PDGFC: variants seen among roughly 807,000 people sequenced by gnomAD.
PDGFC encodes platelet-derived growth factor C.
A neutral mutation model predicts 35.5 loss-of-function variants in PDGFC; 12 were observed. The observed-to-expected ratio is 0.34, with a 90% CI of 0.22 to 0.55. The LOEUF (loss-of-function observed/expected upper bound fraction) is 0.55. PDGFC is among the 20% of genes least tolerant of loss of function. The pLI, the probability that PDGFC is intolerant of heterozygous loss-of-function variation, is 0.91. For synonymous variants in PDGFC, 159 were observed against 148.8 expected (o/e 1.07, Z -0.50); for missense variants, 322 against 412.4 (o/e 0.78, Z 1.90).
intron 1 of PDGFC, among the ~76,000 whole-genome samples, chr4:156,907,749 G>A (rs1730950457): frequency 6.6e-6 from 1 of 152,188 alleles, no homozygotes; most frequent in Non-Finnish European, 1.5e-5. Flanking sequence ...CTGGGATGAA[G>A]TGGCCCTAAC....
chr4:156,930,713 C>T (rs1017354700), intron 1 of PDGFC, among the ~76,000 whole-genome samples: 1 of 151,814 alleles, frequency 6.6e-6, no homozygotes, highest in Non-Finnish European at 1.5e-5. Context: ...ACTAAAAAAA[C>T]AAAAATTAGC....
intron 1 of PDGFC, among the ~76,000 whole-genome samples, chr4:156,922,076 G>A (rs759310599): frequency 2.0e-5 from 3 of 152,124 alleles, no homozygotes; most frequent in African/African-American, 4.8e-5. Context: ...TCATTACAAT[G>A]AGGGATATTT....
chr4:156,911,967 G>T (rs1336545859), intron 1 of PDGFC, among the ~76,000 whole-genome samples: 1 of 152,122 alleles, frequency 6.6e-6, no homozygotes, highest in Non-Finnish European at 1.5e-5. Flanking sequence ...TTTGGCAGAA[G>T]TTAAGTGGCT....
At chr4:156,804,150 ATT>A (rs1231037947) in intron 3 of PDGFC, among the ~76,000 whole-genome samples, 1 of 152,156 alleles carries the variant, frequency 6.6e-6, no homozygotes, top group Admixed American at 6.5e-5. Context: ...TATAAAATTC[ATT>A]TGTTTGAATA....
At chr4:156,937,181 A>T (rs1009667271) in intron 1 of PDGFC, among the ~76,000 whole-genome samples, 4 of 152,194 alleles carry the variant, frequency 2.6e-5, no homozygotes, top group Non-Finnish European at 5.9e-5. Flanking sequence ...GGCATTTCTG[A>T]AGAAAAGGAT....
At chr4:156,832,825 T>C (rs956171813) in intron 2 of PDGFC, among the ~76,000 whole-genome samples, 7 of 152,218 alleles carry the variant, frequency 4.6e-5, no homozygotes, top group East Asian at 1.9e-4. Flanking sequence ...TGCTGGACTA[T>C]AGTATATGCG....
At chr4:156,902,643 T>C (rs1730817195) in intron 1 of PDGFC, among the ~76,000 whole-genome samples, 1 of 152,218 alleles carries the variant, frequency 6.6e-6, no homozygotes, top group South Asian at 2.1e-4. Flanking sequence ...TTATCATTAC[T>C]GAATAGTATT....
intron 2 of PDGFC, among the ~76,000 whole-genome samples, chr4:156,816,448 T>A (rs1364634026): frequency 6.6e-6 from 1 of 152,188 alleles, no homozygotes; most frequent in Non-Finnish European, 1.5e-5. Context: ...TGTTTATCTA[T>A]GCTTTAAATT....
chr4:156,860,489 T>C (rs924353955), intron 1 of PDGFC, among the ~76,000 whole-genome samples: 3 of 151,760 alleles, frequency 2.0e-5, no homozygotes, highest in African/African-American at 7.3e-5. Context: ...AATCCATCTA[T>C]CCCTCTAAAA....
At chr4:156,928,167 T>C (rs566961879) in intron 1 of PDGFC, among the ~76,000 whole-genome samples, 1 of 152,188 alleles carries the variant, frequency 6.6e-6, no homozygotes, top group African/African-American at 2.4e-5. Context: ...ACGTAGGAAT[T>C]ATGGGAGCAC....
intron 3 of PDGFC, among the ~76,000 whole-genome samples, chr4:156,795,999 C>T (rs577863933): frequency 2.0e-5 from 3 of 152,198 alleles, no homozygotes; most frequent in East Asian, 1.9e-4. Flanking sequence ...ATGTTTCACA[C>T]GTTTACTCTG....
intron 1 of PDGFC, among the ~76,000 whole-genome samples, chr4:156,955,032 A>T (rs1464139150): frequency 6.6e-6 from 1 of 152,054 alleles, no homozygotes; most frequent in African/African-American, 2.4e-5. Context: ...CAAGGTAGAA[A>T]GTGGTCAATT....
chr4:156,794,978 C>G (rs1288219446), intron 3 of PDGFC, among the ~76,000 whole-genome samples: 2 of 152,120 alleles, frequency 1.3e-5, no homozygotes, highest in Non-Finnish European at 2.9e-5. Flanking sequence ...CATCGCTGAC[C>G]TGGTTTAACC....
chr4:156,869,620 A>G (rs1033996743), intron 1 of PDGFC, among the ~76,000 whole-genome samples: 1 of 152,148 alleles, frequency 6.6e-6, no homozygotes, highest in East Asian at 1.9e-4. Flanking sequence ...ACTTCATTTA[A>G]TCAATACTAC....
At chr4:156,827,310 G>A (rs1157985082) in intron 2 of PDGFC, among the ~76,000 whole-genome samples, 3 of 151,696 alleles carry the variant, frequency 2.0e-5, no homozygotes, top group African/African-American at 4.8e-5. Flanking sequence ...CCAGCTACTC[G>A]GGAGGCTGAG....
In PDGFC at chr4:156,963,206, C is replaced by T. The variant is rs187676774; in HGVS notation, c.118+7580G>A. ...AAGCCGGCTGGGCACAGTGGCTCAC[C>T]TCTGTAATCCCAGCACATTGGGAGG... On this transcript the variant is annotated intron_variant, in intron 1 of 5. Coordinates refer to ENST00000502773, the MANE Select transcript of PDGFC (RefSeq NM_016205.3). 1.7e-3 allele frequency among the ~76,000 whole-genome samples: 260 copies of T among 152,104 alleles called. 2 individuals carry two copies. Among genetic ancestry groups the T allele is most frequent in the African/African-American group, 6.0e-3 (251 of 41,504 alleles).
chr4:156,817,634 A>G (rs1732123263), intron 2 of PDGFC, among the ~76,000 whole-genome samples: 1 of 152,194 alleles, frequency 6.6e-6, no homozygotes, highest in Non-Finnish European at 1.5e-5. Flanking sequence ...CTCTCTTTTA[A>G]GAAAAAAGAT....
chr4:156,817,111 T>C (rs1159786655), intron 2 of PDGFC, among the ~76,000 whole-genome samples: 2 of 152,062 alleles, frequency 1.3e-5, no homozygotes, highest in Non-Finnish European at 2.9e-5. Context: ...CTTACAAATG[T>C]TATGTGGTGA....
At chr4:156,864,733 A>G (rs78256087) in intron 1 of PDGFC, among the ~76,000 whole-genome samples, 9,518 of 152,236 alleles carry the variant, frequency 0.063, 392 homozygotes, top group Middle Eastern at 0.11. Flanking sequence ...AGACAGAAGA[A>G]TATAATGATG....
Sources: allele counts gnomAD v4.1 joint callset (sites outside exome capture counted in the v4.1 genomes callset), GRCh38; gene constraint gnomAD v4.1.1; transcripts MANE v1.5; gene names NCBI Gene and HGNC (gene_info 2026-07-23, HGNC 2026-07-21).